Variants in FANCB observed in about 807,000 individuals in gnomAD.
The protein encoded by FANCB is Fanconi anemia group B protein.
In FANCB, 5 loss-of-function variants were observed where a neutral mutation model predicts 38.9. The ratio of observed to expected loss-of-function variants is 0.13; its 90% CI spans 0.07 to 0.27. The LOEUF is 0.27. Ranked by LOEUF, FANCB falls within the 10% of genes least tolerant of loss-of-function variation. The pLI is 1.00. For synonymous variants in FANCB, 236 were observed against 215.4 expected (o/e 1.10, Z -0.84); for missense variants, 573 against 602.7 (o/e 0.95, Z 0.52).
At chrX:14,698,504 C>G in the FANCB span, among the ~76,000 whole-genome samples, 2 of 107,536 alleles carry the variant, frequency 1.9e-5, no homozygotes, top group African/African-American at 6.8e-5. Context: ...CATGTGAAAC[C>G]CTGTCTCTAC....
At chrX:14,832,221 C>T (rs1226653058), downstream of FANCB, among the ~76,000 whole-genome samples, 1 of 111,923 alleles carries the variant, frequency 8.9e-6, no homozygotes, top group African/African-American at 3.3e-5. Flanking sequence ...CCCTCTGAAA[C>T]CTTTCTTACC....
intron 3 of FANCB, 21 bp from the exon 4 acceptor site, chrX:14,859,355 T>C (rs746645943): frequency 1.8e-5 from 20 of 1,126,240 alleles, no homozygotes; most frequent in Non-Finnish European, 2.2e-5. Flanking sequence ...GGGAGCATTA[T>C]AGGAGGAGTA....
the FANCB span, among the ~76,000 whole-genome samples, chrX:14,816,335 T>C: frequency 4.9e-4 from 55 of 112,502 alleles, no homozygotes; most frequent in African/African-American, 7.4e-4. Context: ...AATTGTTATA[T>C]AGTAAAAATA....
chrX:14,776,060 T>A, the FANCB span, among the ~76,000 whole-genome samples: 5 of 102,687 alleles, frequency 4.9e-5, no homozygotes, highest in Admixed American at 4.3e-4. Context: ...AAAGAAAAAT[T>A]CGTGATTTGT....
the FANCB span, among the ~76,000 whole-genome samples, chrX:14,823,079 C>CTT: frequency 5.1e-3 from 366 of 71,086 alleles, 8 homozygotes; most frequent in Middle Eastern, 0.011. Flanking sequence ...TACCCTTTTA[C>CTT]TTTTTTTTTT....
chrX:14,761,525 A>C, the FANCB span, among the ~76,000 whole-genome samples: 1 of 110,563 alleles, frequency 9.0e-6, no homozygotes, highest in Non-Finnish European at 1.9e-5. Context: ...TAGGATTGAA[A>C]GATTACAAAG....
the FANCB span, among the ~76,000 whole-genome samples, chrX:14,761,202 C>G: frequency 9.1e-6 from 1 of 110,259 alleles, no homozygotes; most frequent in South Asian, 3.9e-4. Context: ...AGGATCTTAC[C>G]ATGTTGCCCA....
chrX:14,751,147 GTA>G, the FANCB span, among the ~76,000 whole-genome samples: 1 of 112,020 alleles, frequency 8.9e-6, no homozygotes, highest in Admixed American at 9.5e-5. Flanking sequence ...TCACTCCCAG[GTA>G]TATAGCCAAC....
the FANCB span, among the ~76,000 whole-genome samples, chrX:14,735,482 G>A: frequency 8.9e-6 from 1 of 112,046 alleles, no homozygotes; most frequent in Non-Finnish European, 1.9e-5. Context: ...CCTTCTAACA[G>A]TCAGGACCCT....
the FANCB span, among the ~76,000 whole-genome samples, chrX:14,825,185 T>C: frequency 1.8e-5 from 2 of 112,322 alleles, no homozygotes; most frequent in African/African-American, 6.5e-5. Flanking sequence ...GAAGTGCGTG[T>C]GCTTTCTTCT....
At chrX:14,797,961 T>G in the FANCB span, among the ~76,000 whole-genome samples, 20 of 110,813 alleles carry the variant, frequency 1.8e-4, no homozygotes, top group Non-Finnish European at 3.8e-4. Flanking sequence ...CTTGTGTCTC[T>G]TATAACTCTA....
the FANCB span, among the ~76,000 whole-genome samples, chrX:14,830,124 C>T: frequency 1.1e-4 from 12 of 111,354 alleles, no homozygotes; most frequent in Non-Finnish European, 1.9e-4. Flanking sequence ...GGGTAACGGC[C>T]GGTAGGTAGA....
the FANCB span, among the ~76,000 whole-genome samples, chrX:14,790,360 T>C: frequency 8.9e-6 from 1 of 111,759 alleles, no homozygotes; most frequent in African/African-American, 3.3e-5. Context: ...GTGGGAAAAA[T>C]GCTAATTTAG....
chrX:14,763,991 C>A, the FANCB span, among the ~76,000 whole-genome samples: 1 of 111,565 alleles, frequency 9.0e-6, no homozygotes, highest in African/African-American at 3.3e-5. Flanking sequence ...GACTATCAGC[C>A]CTGGTGCAGT....
chrX:14,859,811 A>C (rs1450690678), intron 3 of FANCB, among the ~76,000 whole-genome samples: 2 of 111,931 alleles, frequency 1.8e-5, no homozygotes, highest in African/African-American at 6.5e-5. Flanking sequence ...ATTCTGTTGC[A>C]TACCTGACAG....
At chrX:14,769,240 C>A in the FANCB span, among the ~76,000 whole-genome samples, 22 of 111,480 alleles carry the variant, frequency 2.0e-4, no homozygotes, top group African/African-American at 7.2e-4. Flanking sequence ...AGAAATGGTA[C>A]CAGATCTCCT....
chrX:14,758,557 G>C, the FANCB span, among the ~76,000 whole-genome samples: 299 of 112,232 alleles, frequency 2.7e-3, 4 homozygotes, highest in African/African-American at 9.2e-3. Flanking sequence ...ACTCAGTGCA[G>C]ATACTCCCCA....
chrX:14,872,632 A>AC (rs2092504412), intron 1 of FANCB, among the ~76,000 whole-genome samples: 1 of 47,569 alleles, frequency 2.1e-5, no homozygotes, highest in Non-Finnish European at 4.2e-5. Flanking sequence ...GGGTGGTAAA[A>AC]CCGCCCCCCC....
the FANCB span, among the ~76,000 whole-genome samples, chrX:14,826,098 T>C: frequency 1.8e-5 from 2 of 112,458 alleles, no homozygotes; most frequent in East Asian, 5.6e-4. Context: ...CTGGCAGCAC[T>C]GTACAATTTA....
Sources: allele counts gnomAD v4.1 joint callset (sites outside exome capture counted in the v4.1 genomes callset), GRCh38; gene constraint gnomAD v4.1.1; transcripts MANE v1.5; gene names NCBI Gene and HGNC (gene_info 2026-07-23, HGNC 2026-07-21).